The following KALRN variants were observed in gnomAD, a reference collection of about 807,000 sequenced individuals.
KALRN encodes the protein kalirin RhoGEF kinase.
Under a neutral mutation model 353.7 loss-of-function variants are expected in KALRN, and 70 were observed. The observed-to-expected ratio is 0.20, with a 90% CI of 0.16 to 0.24. The LOEUF (loss-of-function observed/expected upper bound fraction) is 0.24, where lower values mean the gene tolerates loss of function less well. KALRN is among the 10% of genes least tolerant of loss of function. KALRN has a pLI of 1.00. For missense variants in KALRN, 2,791 were observed against 3,756.7 expected, an observed-to-expected ratio of 0.74 and a Z score of 6.72; for synonymous variants, 1,391 against 1,434.8, an observed-to-expected ratio of 0.97 and a Z score of 0.69.
At chr3:124,431,435 G>T (rs913554171) in intron 16 of KALRN, among the ~76,000 whole-genome samples, 1 of 152,136 alleles carries the variant, frequency 6.6e-6, no homozygotes, top group Non-Finnish European at 1.5e-5. Flanking sequence ...TATAAATTTT[G>T]TCTTGCTTTA....
intron 34 of KALRN, among the ~76,000 whole-genome samples, chr3:124,566,812 G>A (rs1265683442): frequency 1.3e-5 from 2 of 152,296 alleles, no homozygotes; most frequent in East Asian, 3.9e-4. Context: ...GTTCCTCTGG[G>A]GGTTGTGGAA....
chr3:124,218,170 A>C (rs911272700), intron 1 of KALRN, among the ~76,000 whole-genome samples: 1 of 152,190 alleles, frequency 6.6e-6, no homozygotes, highest in Non-Finnish European at 1.5e-5. Context: ...GGACAATTTC[A>C]TATTTAGATA....
chr3:124,541,546 G>A (rs1327364957), intron 33 of KALRN, among the ~76,000 whole-genome samples: 2 of 151,802 alleles, frequency 1.3e-5, no homozygotes, highest in African/African-American at 2.4e-5. Flanking sequence ...CAGTCCTACC[G>A]ACTTTAGTTA....
chr3:124,468,901 A>G (rs1181038923), intron 25 of KALRN, among the ~76,000 whole-genome samples: 3 of 152,250 alleles, frequency 2.0e-5, no homozygotes, highest in South Asian at 4.1e-4. Context: ...GTTTTCAGTA[A>G]GCTATCAACA....
intron 1 of KALRN, among the ~76,000 whole-genome samples, chr3:124,066,309 C>T (rs1295944171): frequency 6.6e-6 from 1 of 152,072 alleles, no homozygotes; most frequent in African/African-American, 2.4e-5. Flanking sequence ...TTCCACTGCA[C>T]CAGAGAGAGT....
At chr3:124,044,179 G>T (rs1390439923) in intron 1 of KALRN, among the ~76,000 whole-genome samples, 1 of 152,072 alleles carries the variant, frequency 6.6e-6, no homozygotes, top group Non-Finnish European at 1.5e-5. Context: ...CCTTGTTTCA[G>T]GGGCTGACCC....
intron 1 of KALRN, among the ~76,000 whole-genome samples, chr3:124,216,475 A>G (rs1035175877): frequency 7.2e-5 from 11 of 152,344 alleles, no homozygotes; most frequent in African/African-American, 2.6e-4. Context: ...ACACATATGG[A>G]CAGATATGCA....
intron 10 of KALRN, among the ~76,000 whole-genome samples, chr3:124,363,419 C>A (rs540145593): frequency 6.6e-6 from 1 of 152,194 alleles, no homozygotes; most frequent in Non-Finnish European, 1.5e-5. Flanking sequence ...GCTCCCCTAA[C>A]CTTGCCAAGC....
At chr3:124,526,836 G>A (rs1475244462) in intron 33 of KALRN, among the ~76,000 whole-genome samples, 1 of 152,124 alleles carries the variant, frequency 6.6e-6, no homozygotes, top group Non-Finnish European at 1.5e-5. Flanking sequence ...ACAAGAGAAT[G>A]TGTATTGCTA....
intron 10 of KALRN, among the ~76,000 whole-genome samples, chr3:124,362,204 A>G (rs926900775): frequency 2.6e-5 from 4 of 152,240 alleles, no homozygotes; most frequent in Non-Finnish European, 5.9e-5. Context: ...ACCAAAAAAT[A>G]AACACACATC....
intron 8 of KALRN, among the ~76,000 whole-genome samples, chr3:124,330,357 T>C (rs962485827): frequency 2.0e-5 from 3 of 151,148 alleles, no homozygotes. Context: ...TATAAGAAAA[T>C]GAAGCTGTGC....
chr3:124,405,501 C>A (rs2091417423), intron 13 of KALRN, among the ~76,000 whole-genome samples: 1 of 152,004 alleles, frequency 6.6e-6, no homozygotes, highest in Admixed American at 6.6e-5. Context: ...AAAGAGAGAT[C>A]TTTTAAAAGG....
intron 34 of KALRN, among the ~76,000 whole-genome samples, chr3:124,601,578 T>C (rs2076809854): frequency 6.6e-6 from 1 of 152,236 alleles, no homozygotes; most frequent in Non-Finnish European, 1.5e-5. Context: ...TCTTAAGTAA[T>C]TCTTCAACCA....
At chr3:124,644,304 T>A (rs1381635868) in intron 37 of KALRN, among the ~76,000 whole-genome samples, 1 of 152,152 alleles carries the variant, frequency 6.6e-6, no homozygotes, top group East Asian at 1.9e-4. Context: ...CCATCTGTGT[T>A]GTGGCAAATG....
chr3:124,225,472 G>A (rs922688822), intron 1 of KALRN, among the ~76,000 whole-genome samples: 1 of 152,154 alleles, frequency 6.6e-6, no homozygotes, highest in African/African-American at 2.4e-5. Context: ...GCCTCTACAG[G>A]GTCAGGGAGG....
chr3:124,318,298 C>T (rs534247194), intron 6 of KALRN, among the ~76,000 whole-genome samples: 1 of 152,322 alleles, frequency 6.6e-6, no homozygotes, highest in South Asian at 2.1e-4. Flanking sequence ...AGTCATCAAT[C>T]AGCTGCCCCA....
chr3:124,485,153 T>TA (rs1301636486), intron 28 of KALRN, among the ~76,000 whole-genome samples: 1 of 152,200 alleles, frequency 6.6e-6, no homozygotes, highest in Non-Finnish European at 1.5e-5. Context: ...CTAACAGACT[T>TA]AAAAAAATTG....
intron 11 of KALRN, among the ~76,000 whole-genome samples, chr3:124,392,662 C>T (rs4048323): frequency 0.94 from 140,256 of 148,648 alleles, 66,699 homozygotes; most frequent in East Asian, 1. Flanking sequence ...TGGAGTGCAG[C>T]GGTGCAATCT....
intron 10 of KALRN, 60 bp downstream of exon 10, chr3:124,347,325 G>GTGTGTGTGT (rs2082369396): frequency 8.9e-7 from 1 of 1,124,458 alleles, no homozygotes; most frequent in Non-Finnish European, 1.2e-6. Flanking sequence ...TGTGTGTCTA[G>GTGTGTGTGT]ATGAGGGAGG....
Sources: gnomAD v4.1 joint callset for allele counts (sites outside exome capture counted in the v4.1 genomes callset) on GRCh38, gnomAD v4.1.1 for gene constraint, MANE v1.5 for transcripts, NCBI Gene and HGNC (gene_info 2026-07-23, HGNC 2026-07-21) for gene names.